The following NRG3 variants were observed in gnomAD, a reference collection of about 807,000 sequenced individuals.
NRG3 encodes the protein neuregulin 3.
Under a neutral mutation model 66.9 loss-of-function variants are expected in NRG3, and 31 were observed. The ratio of observed to expected loss-of-function variants is 0.46; its 90% CI spans 0.35 to 0.63. NRG3 has a LOEUF of 0.63. NRG3 is among the 20% of genes least tolerant of loss of function. The pLI, the probability that NRG3 is intolerant of heterozygous loss-of-function variation, is 0.00. For synonymous variants in NRG3, 393 were observed against 359.4 expected, an observed-to-expected ratio of 1.09 and a Z score of -1.06; for missense variants, 910 against 878.9, an observed-to-expected ratio of 1.04 and a Z score of -0.45.
chr10:82,906,069 T>C (rs1247213989), intron 4 of NRG3, among the ~76,000 whole-genome samples: 1 of 152,202 alleles, frequency 6.6e-6, no homozygotes, highest in Non-Finnish European at 1.5e-5. Context: ...ATCCTGCTCA[T>C]ACAGCTTCAC....
intron 6 of NRG3, among the ~76,000 whole-genome samples, chr10:82,972,596 A>AT (rs1489115124): frequency 6.6e-6 from 1 of 152,166 alleles, no homozygotes; most frequent in African/African-American, 2.4e-5. Context: ...TTGATTAGAA[A>AT]TGGTACTTAG....
intron 1 of NRG3, among the ~76,000 whole-genome samples, chr10:82,172,019 G>A (rs1401141495): frequency 1.3e-5 from 2 of 152,080 alleles, no homozygotes; most frequent in Non-Finnish European, 2.9e-5. Flanking sequence ...TTATTGCACT[G>A]TGACACATCT....
At chr10:82,651,886 G>T (rs1395076024) in intron 2 of NRG3, among the ~76,000 whole-genome samples, 1 of 152,210 alleles carries the variant, frequency 6.6e-6, no homozygotes, top group African/African-American at 2.4e-5. Flanking sequence ...CATTTGGACT[G>T]CAACATTGAG....
chr10:82,971,688 C>T (rs1456723958), intron 6 of NRG3, among the ~76,000 whole-genome samples: 4 of 152,124 alleles, frequency 2.6e-5, no homozygotes, highest in African/African-American at 9.7e-5. Flanking sequence ...CTGCCTGCCT[C>T]AGCTTCCCAA....
chr10:82,271,942 G>A lies in NRG3; in HGVS notation c.824-86797G>A, dbSNP rs544044728. Among the ~76,000 whole-genome samples the A allele has an allele frequency of 3.9e-5, 6 of 151,928 alleles. No homozygotes were observed. In the East Asian group the frequency reaches 1.2e-3, roughly 29 times the overall value. The stretch of plus-strand genomic sequence containing the variant: ...AACAAATATTTTTGGATGTTTCATG[G>A]GGCCAAGGTTCTATTCTAGATATCA... On this transcript the variant is annotated intron_variant, in intron 1 of 8. Coordinates refer to ENST00000372141, the MANE Select transcript of NRG3 (RefSeq NM_001010848.4).
chr10:82,767,702 T>C (rs1380594594), intron 3 of NRG3, among the ~76,000 whole-genome samples: 2 of 152,230 alleles, frequency 1.3e-5, no homozygotes, highest in East Asian at 3.9e-4. Context: ...TCCTAGTCTT[T>C]TATTTATTCT....
chr10:82,335,685 G>A (rs370784943), intron 1 of NRG3, among the ~76,000 whole-genome samples: 4 of 152,168 alleles, frequency 2.6e-5, no homozygotes, highest in East Asian at 3.9e-4. Context: ...AAGAAGTTAA[G>A]AACTTAATGA....
chr10:82,686,405 C>G (rs564974568), intron 2 of NRG3, among the ~76,000 whole-genome samples: 23 of 152,144 alleles, frequency 1.5e-4, no homozygotes, highest in African/African-American at 5.3e-4. Context: ...CCAGGCTGGT[C>G]TTCAACTCCT....
At chr10:82,263,584 A>C (rs577965964) in intron 1 of NRG3, among the ~76,000 whole-genome samples, 23 of 152,176 alleles carry the variant, frequency 1.5e-4, no homozygotes, top group African/African-American at 5.5e-4. Flanking sequence ...AATAACCTAT[A>C]ATCTTTTCTT....
intron 2 of NRG3, among the ~76,000 whole-genome samples, chr10:82,571,215 T>C (rs1392944732): frequency 6.6e-6 from 1 of 151,582 alleles, no homozygotes; most frequent in Non-Finnish European, 1.5e-5. Flanking sequence ...CCTTAACTTA[T>C]AAATAACTTA....
At chr10:82,798,614 C>T (rs2060900178) in intron 3 of NRG3, among the ~76,000 whole-genome samples, 1 of 152,174 alleles carries the variant, frequency 6.6e-6, no homozygotes, top group African/African-American at 2.4e-5. Flanking sequence ...GAAGCCACTT[C>T]TCTCCTCAAA....
rs141582565 is a variant in NRG3 at position 82,148,814 on chromosome 10, T to C, written c.824-209925T>C. On this transcript the variant is annotated intron_variant, in intron 1 of 8. Transcript: ENST00000372141. ...TTTCTCCTGGCTGAACAACCCCAATTTCTATGACTTTCCTTTTTAGACTTC... is the reference window on the plus strand; with the variant it reads ...TTTCTCCTGGCTGAACAACCCCAATCTCTATGACTTTCCTTTTTAGACTTC... Among the ~76,000 whole-genome samples, 796 of 152,174 alleles carry C rather than the reference T, an allele frequency of 5.2e-3. 4 individuals are homozygous for C. Among genetic ancestry groups the C allele is most frequent in the Non-Finnish European group, 5.6e-3 (381 of 68,006 alleles).
intron 1 of NRG3, among the ~76,000 whole-genome samples, chr10:82,247,368 G>A (rs957074405): frequency 8.5e-5 from 13 of 152,102 alleles, no homozygotes; most frequent in African/African-American, 2.9e-4. Flanking sequence ...GCTGCAGACG[G>A]CCACCTTCTC....
In NRG3 at chr10:82,347,362, T is replaced by G. The variant is rs559062459; in HGVS notation, c.824-11377T>G. 3.3e-5 allele frequency among the ~76,000 whole-genome samples: 5 copies of G among 152,132 alleles called. No homozygotes were observed. In the East Asian group the frequency reaches 9.6e-4, roughly 29 times the overall value. On this transcript the variant is annotated intron_variant, in intron 1 of 8. Transcript: ENST00000372141. Reference sequence around the variant, plus strand: ...TCAGGAGCAGGTTGTTCAGTTTCCATGAAGTTGAGTGGTTTTGAGTGACAT... The same window carrying G: ...TCAGGAGCAGGTTGTTCAGTTTCCAGGAAGTTGAGTGGTTTTGAGTGACAT...
chr10:82,400,744 AT>A (rs935670118), intron 2 of NRG3, among the ~76,000 whole-genome samples: 2 of 151,404 alleles, frequency 1.3e-5, no homozygotes, highest in Non-Finnish European at 2.9e-5. Flanking sequence ...ATTTTTTTTA[AT>A]TTTATTTTTA....
chr10:82,844,584 G>A (rs575911400), intron 3 of NRG3, among the ~76,000 whole-genome samples: 6 of 151,882 alleles, frequency 4.0e-5, no homozygotes, highest in South Asian at 2.1e-4. Flanking sequence ...ACAATCTCTC[G>A]GGATGCAAGT....
intron 4 of NRG3, among the ~76,000 whole-genome samples, chr10:82,947,731 A>T (rs912065253): frequency 1.3e-5 from 2 of 152,072 alleles, no homozygotes; most frequent in African/African-American, 4.8e-5. Flanking sequence ...ATCTTTGGGG[A>T]AGTGTCTATT....
At chr10:82,168,998 G>A (rs1412875616) in intron 1 of NRG3, among the ~76,000 whole-genome samples, 1 of 151,988 alleles carries the variant, frequency 6.6e-6, no homozygotes, top group African/African-American at 2.4e-5. Context: ...TTTAATTCAT[G>A]CCTTCCTACA....
intron 6 of NRG3, among the ~76,000 whole-genome samples, chr10:82,964,405 T>C (rs1851001312): frequency 6.6e-6 from 1 of 152,164 alleles, no homozygotes; most frequent in Non-Finnish European, 1.5e-5. Context: ...AGAATCCCCC[T>C]GGTGAAGTGG....
Sources: gnomAD v4.1 joint callset for allele counts (sites outside exome capture counted in the v4.1 genomes callset) on GRCh38, gnomAD v4.1.1 for gene constraint, MANE v1.5 for transcripts, NCBI Gene and HGNC (gene_info 2026-07-23, HGNC 2026-07-21) for gene names.